Variants in CLN5 observed in about 807,000 individuals in gnomAD.
CLN5 encodes CLN5 lysosomal BMP synthase, also known as bis(monoacylglycero)phosphate synthase CLN5.
A neutral mutation model predicts 36.7 loss-of-function variants in CLN5; 34 were observed. The ratio of observed to expected loss-of-function variants is 0.93; its 90% CI spans 0.71 to 1.23. The LOEUF (loss-of-function observed/expected upper bound fraction) is 1.23, where lower values mean the gene tolerates loss of function less well. Among genes scored for constraint, CLN5 ranks in the 50% most tolerant of loss-of-function variants. The pLI, the probability that CLN5 is intolerant of heterozygous loss-of-function variation, is 0.00. For synonymous variants in CLN5, 151 were observed against 155.1 expected, an observed-to-expected ratio of 0.97 and a Z score of 0.20; for missense variants, 427 against 439.4, an observed-to-expected ratio of 0.97 and a Z score of 0.25.
rs2034382709 is a variant in CLN5 at position 77,002,633 on chromosome 13, A to T, written c.*1664A>T. Reference sequence around the variant, plus strand: ...ACCCAGTCACCAGATATCTTCCTCAAATACAGAGGGAGAACTTTCTTTCAC... The same window carrying T: ...ACCCAGTCACCAGATATCTTCCTCATATACAGAGGGAGAACTTTCTTTCAC... On this transcript the variant is annotated 3_prime_UTR_variant, in exon 4 of 4. Transcript: ENST00000377453. 1 of 152,054 alleles carries T rather than the reference A, an allele frequency of 6.6e-6. No homozygotes were observed. The highest frequency in any genetic ancestry group is 6.6e-5 in the Admixed American group (1 of 15,264). 9.4% of individuals were successfully genotyped at this position (152,054 alleles called of 1,614,324 possible). A position where few individuals can be genotyped will look rare whatever the true frequency, so the allele number is the denominator to read the frequency against.
Position 77,000,440 on chromosome 13 carries a change from T to G in CLN5, c.566-18T>G. On this transcript the variant is annotated intron_variant, in intron 3 of 3. Transcript: ENST00000377453. ...AGCTTTGTTCACTAGGTGACTTTGTTTTGTTTTTTTAAACTAGGAAACATG... is the reference window on the plus strand; with the variant it reads ...AGCTTTGTTCACTAGGTGACTTTGTGTTGTTTTTTTAAACTAGGAAACATG... 1 of 1,609,658 alleles carries G rather than the reference T, an allele frequency of 6.2e-7. No homozygotes were observed. The highest frequency in any genetic ancestry group is 8.5e-7 in the Non-Finnish European group (1 of 1,178,574).
chr13:76,999,826 G>A (rs977172081), intron 3 of CLN5: 2 of 152,170 alleles, frequency 1.3e-5, no homozygotes, highest in Non-Finnish European at 2.9e-5. Flanking sequence ...GAGAGCTTCT[G>A]CATTTGTATA....
In CLN5 at chr13:76,995,044, G is replaced by T; in HGVS notation, c.174-19G>T. The T allele has an allele frequency of 1.2e-6, 2 of 1,611,442 alleles. No individual in the cohort carries two copies. Among genetic ancestry groups the T allele is most frequent in the Non-Finnish European group, 1.7e-6 (2 of 1,178,704 alleles). On this transcript the variant is annotated intron_variant, in intron 1 of 3. Transcript: ENST00000377453. ...ATTCATTTTAGAATCTAAGTAGATG[G>T]TTTCTTTTTCTTTATTAGGCGCTTT...
chr13:76,993,111 GA>G (rs1193313723), intron 1 of CLN5: 3 of 152,142 alleles, frequency 2.0e-5, no homozygotes, highest in African/African-American at 4.8e-5. Context: ...CAACAAACCT[GA>G]AAAAAACAGC....
rs1192837730 is a variant in CLN5 at position 77,002,506 on chromosome 13, T to G, written c.*1537T>G. On this transcript the variant is annotated 3_prime_UTR_variant, in exon 4 of 4. Transcript: ENST00000377453. ...TTTCTGTTGGGTCTAATTAAAAAAA[T>G]TGGAGCTTGTATTTTATGTGTCTTT... The G allele has an allele frequency of 6.6e-6, 1 of 152,138 alleles. No individual in the cohort carries two copies. Among genetic ancestry groups the G allele is most frequent in the African/African-American group, 2.4e-5 (1 of 41,434 alleles). The allele number at this position is 152,138 out of a possible 1,614,324, so 9.4% of individuals were successfully genotyped here.
At chr13:76,999,900 C>A (rs760790856) in intron 3 of CLN5, 2 of 152,134 alleles carry the variant, frequency 1.3e-5, no homozygotes, top group Non-Finnish European at 2.9e-5. Flanking sequence ...TCTCCTTATA[C>A]ACCTATTATA....
At chr13:76,998,747 A>G (rs2034310633) in intron 3 of CLN5, 1 of 152,206 alleles carries the variant, frequency 6.6e-6, no homozygotes, top group Non-Finnish European at 1.5e-5. Context: ...GGTCTTTTAA[A>G]TGTAACAAGG....
rs1444041608 is a variant in CLN5, at chr13:77,000,689, C to G, written c.797C>G (p.Pro266Arg). The G allele has an allele frequency of 6.2e-7, 1 of 1,614,058 alleles. No individual in the cohort carries two copies. Among genetic ancestry groups the G allele is most frequent in the Admixed American group, 1.7e-5 (1 of 60,016 alleles). The change falls in exon 4 of 4, where the codon CCT (proline) becomes CGT (arginine). Residue 266 changes from proline (P) to arginine (R), a missense_variant. Pro to Arg is a moderately radical substitution (Grantham distance 103). Coordinates refer to ENST00000377453, the MANE Select transcript of CLN5 (RefSeq NM_006493.4). The part of the protein sequence containing the change: ...YTRIFLYSGE[P>R]TYLGNETSVF... ...AGAATATTTCTTTACAGTGGAGAAC[C>G]TACTTATCTGGGAAATGAAACATCT...
In CLN5 at chr13:77,001,095, G is replaced by T. The variant is rs947067027; in HGVS notation, c.*126G>T. 1.3e-5 allele frequency: 10 copies of T among 798,362 alleles called. No individual in the cohort carries two copies. Among genetic ancestry groups the T allele is most frequent in the African/African-American group, 5.2e-5 (3 of 57,262 alleles). 49.5% of individuals were successfully genotyped at this position (798,362 alleles called of 1,614,324 possible). A position where few individuals can be genotyped will look rare whatever the true frequency, so the allele number is the denominator to read the frequency against. Reference sequence around the variant, plus strand: ...CATAAAGTTAAAATGCACATCAGCAGAATTGCTGCATATTAACATCTCAGG... The same window carrying T: ...CATAAAGTTAAAATGCACATCAGCATAATTGCTGCATATTAACATCTCAGG... On this transcript the variant is annotated 3_prime_UTR_variant, in exon 4 of 4. Coordinates refer to ENST00000377453, the MANE Select transcript of CLN5 (RefSeq NM_006493.4).
rs11840125 is a variant in CLN5, at chr13:77,000,430, G to A, written c.566-28G>A. On this transcript the variant is annotated intron_variant, in intron 3 of 3. Transcript: ENST00000377453. ...TAACATGATTAGCTTTGTTCACTAG[G>A]TGACTTTGTTTTGTTTTTTTAAACT... 1.2e-5 allele frequency: 20 copies of A among 1,603,874 alleles called. No homozygotes were observed. The African/African-American group carries it at 2.7e-4, about 22-fold the overall frequency.
At chr13:76,997,304 G>C (rs891042149) in intron 3 of CLN5, 1 of 152,130 alleles carries the variant, frequency 6.6e-6, no homozygotes, top group Non-Finnish European at 1.5e-5. Context: ...CCGCCACCAT[G>C]CCAAGCTAAT....
Position 77,003,857 on chromosome 13 carries a change from G to C in CLN5, c.*2888G>C, listed in dbSNP as rs1042547213. On this transcript the variant is annotated 3_prime_UTR_variant, in exon 4 of 4. Coordinates refer to ENST00000377453, the MANE Select transcript of CLN5 (RefSeq NM_006493.4). ...AGCTACTTGGGAGGCTGAGGCAGGA[G>C]AATCACTTGAATCCAGGAGGTGGAG... 6.6e-6 allele frequency: 1 copy of C among 152,214 alleles called. No homozygotes were observed. Among genetic ancestry groups the C allele is most frequent in the Non-Finnish European group, 1.5e-5 (1 of 68,098 alleles). 9.4% of individuals were successfully genotyped at this position (152,214 alleles called of 1,614,324 possible). A position where few individuals can be genotyped will look rare whatever the true frequency, so the allele number is the denominator to read the frequency against.
intron 1 of CLN5, 151 bp downstream of exon 1, chr13:76,992,422 G>A (rs1020366588): frequency 3.2e-6 from 3 of 928,234 alleles, no homozygotes; most frequent in Non-Finnish European, 4.7e-6. Flanking sequence ...GAGCGCACTT[G>A]AGAGCAAAGT....
rs780975343 is a variant in CLN5 at position 76,992,287 on chromosome 13, C to A, written c.173+16C>A. The A allele has an allele frequency of 5.2e-6, 8 of 1,537,130 alleles. No homozygotes were observed. The South Asian group carries it at 8.3e-5, about 16-fold the overall frequency. On this transcript the variant is annotated intron_variant, in intron 1 of 3. Coordinates refer to ENST00000377453, the MANE Select transcript of CLN5 (RefSeq NM_006493.4). ...TGCCCTACAAGTGAGTGCGGCGGCG[C>A]GCGCACTGTCGGGGTTGGGGTCGGC...
rs533198211 is a variant in CLN5 at position 76,995,442 on chromosome 13, T to C, written c.339+214T>C. ...ATCACCATTATCCATTGTAATATTA[T>C]GAATCTGAAACCAGCTCCTGTACCT... On this transcript the variant is annotated intron_variant, in intron 2 of 3. Coordinates refer to ENST00000377453, the MANE Select transcript of CLN5 (RefSeq NM_006493.4). 239 of 580,834 alleles carry C rather than the reference T, an allele frequency of 4.1e-4. 4 individuals carry two copies. The South Asian group carries it at 4.3e-3, about 10-fold the overall frequency. 36.0% of individuals were successfully genotyped at this position (580,834 alleles called of 1,614,324 possible).
intron 1 of CLN5, 107 bp downstream of exon 1, chr13:76,992,378 G>C (rs2034195784): frequency 4.7e-6 from 6 of 1,282,422 alleles, no homozygotes; most frequent in Middle Eastern, 5.5e-4. Context: ...GTCGGGTCAC[G>C]AGATGGTGCG....
In CLN5 at chr13:77,001,132, G is replaced by A. The variant is rs994401189; in HGVS notation, c.*163G>A. On this transcript the variant is annotated 3_prime_UTR_variant, in exon 4 of 4. Coordinates refer to ENST00000377453, the MANE Select transcript of CLN5 (RefSeq NM_006493.4). Reference sequence around the variant, plus strand: ...ATTAACATCTCAGGACTCTTCTCTTGTAAAGAAGCTGAAATTCGTACTATA... The same window carrying A: ...ATTAACATCTCAGGACTCTTCTCTTATAAAGAAGCTGAAATTCGTACTATA... 1.0e-5 allele frequency: 6 copies of A among 603,000 alleles called. No homozygotes were observed. The South Asian group carries it at 1.0e-4, about 10-fold the overall frequency. The allele number at this position is 603,000 out of a possible 1,614,324, so 37.4% of individuals were successfully genotyped here. A position where few individuals can be genotyped will look rare whatever the true frequency, so the allele number is the denominator to read the frequency against.
intron 2 of CLN5, 156 bp from the exon 3 acceptor site, chr13:76,995,746 G>GT (rs2034253774): frequency 1.4e-6 from 1 of 700,030 alleles, no homozygotes; most frequent in African/African-American, 1.7e-5. Flanking sequence ...GGAGTTTGGG[G>GT]CCACAGAGTG....
intron 3 of CLN5, 175 bp downstream of exon 3, chr13:76,996,302 A>G: frequency 1.7e-6 from 1 of 598,048 alleles, no homozygotes. Context: ...TGTATTTTTT[A>G]TTTATTTTAT....
Sources: allele counts gnomAD v4.1 joint callset, GRCh38; gene constraint gnomAD v4.1.1; transcripts MANE v1.5; gene names NCBI Gene and HGNC (gene_info 2026-07-23, HGNC 2026-07-21).